Variants in ITGB8 observed in about 807,000 individuals in gnomAD.
ITGB8 encodes integrin subunit beta 8, also known as integrin beta-8.
ITGB8 carries 30 observed loss-of-function variants against 89.5 expected under a neutral mutation model. That is an observed-to-expected ratio of 0.34 (90% CI 0.25 to 0.45). The LOEUF (loss-of-function observed/expected upper bound fraction) is 0.45, where lower values mean the gene tolerates loss of function less well. ITGB8 is among the 20% of genes least tolerant of loss of function. ITGB8 has a pLI of 1.00. For synonymous variants in ITGB8, 335 were observed against 320.4 expected (o/e 1.05, Z -0.49); for missense variants, 836 against 933.3 (o/e 0.90, Z 1.36).
chr7:20,351,974 T>C (rs979862599), intron 1 of ITGB8, among the ~76,000 whole-genome samples: 15 of 152,274 alleles, frequency 9.9e-5, no homozygotes, highest in African/African-American at 3.1e-4. Context: ...GTGTGTTAGA[T>C]TGAAAACATT....
chr7:20,337,016 A>C (rs206204), intron 1 of ITGB8, among the ~76,000 whole-genome samples: 141,925 of 152,270 alleles, frequency 0.93, 66,194 homozygotes, highest in East Asian at 0.99. Flanking sequence ...GTTTTCCCAG[A>C]CCATACCAGA....
chr7:20,404,234 G>T (rs1016110803), intron 10 of ITGB8, among the ~76,000 whole-genome samples: 2 of 152,234 alleles, frequency 1.3e-5, no homozygotes, highest in Non-Finnish European at 2.9e-5. Flanking sequence ...AATAGGTGAT[G>T]GAAGCCATAT....
chr7:20,339,470 T>C (rs75875047), intron 1 of ITGB8, among the ~76,000 whole-genome samples: 1 of 152,304 alleles, frequency 6.6e-6, no homozygotes, highest in Non-Finnish European at 1.5e-5. Flanking sequence ...TCCATTGGGA[T>C]TTTATAATTT....
At chr7:20,364,691 G>C (rs1227775583) in intron 2 of ITGB8, 3 of 152,196 alleles carry the variant, frequency 2.0e-5, no homozygotes, top group Non-Finnish European at 4.4e-5. Context: ...GTGAAGCCAG[G>C]CATGTCATAG....
chr7:20,400,565 G>T (rs1187562936), intron 9 of ITGB8, among the ~76,000 whole-genome samples: 14 of 151,998 alleles, frequency 9.2e-5, no homozygotes, highest in Admixed American at 9.2e-4. Flanking sequence ...AATTGTAATG[G>T]ATCTCAATCC....
chr7:20,401,834 A>T lies in ITGB8; in HGVS notation c.1395A>T (p.Arg465Ser). The change falls in exon 10 of 14, where the codon AGA (arginine) becomes AGT (serine). Residue 465 changes from arginine (R) to serine (S), a missense_variant. This residue lies in a region of ITGB8 where 422 missense variants were observed against 416.9 expected (regional missense o/e 1.01). Transcript: ENST00000222573. ...FNETAKIHIH[R>S]NCSCQCEDNR... The stretch of plus-strand genomic sequence containing the variant: ...AAACCGCTAAAATTCATATACACAG[A>T]AACTGCAGCTGTCAGTGTGAGGACA... The T allele has an allele frequency of 6.2e-7, 1 of 1,613,988 alleles. No homozygotes were observed. The highest frequency in any genetic ancestry group is 8.5e-7 in the Non-Finnish European group (1 of 1,179,986).
intron 1 of ITGB8, among the ~76,000 whole-genome samples, chr7:20,339,517 G>T (rs1324261365): frequency 6.6e-6 from 1 of 152,062 alleles, no homozygotes; most frequent in Non-Finnish European, 1.5e-5. Flanking sequence ...AAAGTGCTAA[G>T]ATCAATTCTT....
At chr7:20,382,081 T>C (rs781515860) in intron 6 of ITGB8, 196 bp downstream of exon 6, 30 of 447,078 alleles carry the variant, frequency 6.7e-5, no homozygotes, top group Non-Finnish European at 8.2e-5. Context: ...ATAAAACAGT[T>C]TGACAGTTTC....
intron 6 of ITGB8, among the ~76,000 whole-genome samples, chr7:20,386,053 G>C (rs190624692): frequency 1.3e-5 from 2 of 152,106 alleles, no homozygotes; most frequent in African/African-American, 4.8e-5. Context: ...TGTCTCAGAT[G>C]CATACTAATA....
chr7:20,404,056 C>T (rs1203026946), intron 10 of ITGB8, among the ~76,000 whole-genome samples: 5 of 152,194 alleles, frequency 3.3e-5, no homozygotes, highest in Admixed American at 3.3e-4. Context: ...GGAGGATCTG[C>T]TCTGCTAACT....
Position 20,415,101 on chromosome 7 carries a change from C to G in ITGB8, c.*5104C>G, listed in dbSNP as rs371620605. The G allele has an allele frequency of 6.6e-6, 1 of 152,354 alleles. No homozygotes were observed. Among genetic ancestry groups the G allele is most frequent in the Non-Finnish European group, 1.5e-5 (1 of 67,938 alleles). 9.4% of individuals were successfully genotyped at this position (152,354 alleles called of 1,614,324 possible). On this transcript the variant is annotated 3_prime_UTR_variant, in exon 14 of 14. Transcript: ENST00000222573. ...ATGTGAAATTTTGATAAGAAGTCTA[C>G]GCAATGACAAGTATGGTACATAAAT...
At chr7:20,397,474 C>T (rs1787134192) in intron 8 of ITGB8, among the ~76,000 whole-genome samples, 1 of 152,182 alleles carries the variant, frequency 6.6e-6, no homozygotes, top group Non-Finnish European at 1.5e-5. Flanking sequence ...GAGCCACCTG[C>T]CTCAGCCTCC....
rs368039916 is a variant in ITGB8 at position 20,381,914 on chromosome 7, A to G, written c.960+29A>G. On this transcript the variant is annotated intron_variant, in intron 6 of 13. Coordinates refer to ENST00000222573, the MANE Select transcript of ITGB8 (RefSeq NM_002214.3). ...ATGCAGCAGTAACCGCTTAGTAGAT[A>G]TGACTCTTTTGGTTAAAGTACAATT... 20 of 1,571,042 alleles carry G rather than the reference A, an allele frequency of 1.3e-5. No homozygotes were observed. In the East Asian group the frequency reaches 4.3e-4, roughly 34 times the overall value.
intron 3 of ITGB8, among the ~76,000 whole-genome samples, chr7:20,376,552 CT>C (rs1253228647): frequency 4.6e-5 from 7 of 152,142 alleles, no homozygotes; most frequent in Admixed American, 2.6e-4. Context: ...CCCCAAGAGT[CT>C]TCTCCTTTAT....
rs540502298 is a variant in ITGB8 at position 20,375,664 on chromosome 7, A to G, written c.389-3387A>G. 1.4e-3 allele frequency among the ~76,000 whole-genome samples: 214 copies of G among 152,336 alleles called. 1 individual carries two copies. The highest frequency in any genetic ancestry group is 4.9e-3 in the African/African-American group (203 of 41,590). On this transcript the variant is annotated intron_variant, in intron 3 of 13. Transcript: ENST00000222573. ...ATCTTCAACACCCAAACCCCCTAAA[A>G]TGACAAGAACAGCTATAATTAATTT...
intron 1 of ITGB8, among the ~76,000 whole-genome samples, chr7:20,340,389 AG>A (rs1784718194): frequency 6.6e-6 from 1 of 152,220 alleles, no homozygotes. Flanking sequence ...AGTGGAGAGA[AG>A]GGCTGGTGAT....
chr7:20,374,585 G>C (rs1786060486), intron 3 of ITGB8, among the ~76,000 whole-genome samples: 1 of 152,098 alleles, frequency 6.6e-6, no homozygotes, highest in Middle Eastern at 3.4e-3. Flanking sequence ...TGGAAACACA[G>C]GGGCGGGGCC....
chr7:20,346,801 G>A (rs1454612454), intron 1 of ITGB8: 1 of 985,274 alleles, frequency 1.0e-6, no homozygotes, highest in Non-Finnish European at 1.2e-6. Context: ...GAGGAGGCAT[G>A]TACATTGACC....
intron 1 of ITGB8, among the ~76,000 whole-genome samples, chr7:20,354,162 C>T (rs574574334): frequency 6.6e-6 from 1 of 152,234 alleles, no homozygotes; most frequent in Admixed American, 6.5e-5. Context: ...ATTAATTACA[C>T]ATTTACTGAG....
Sources: allele counts gnomAD v4.1 joint callset (sites outside exome capture counted in the v4.1 genomes callset), GRCh38; gene constraint gnomAD v4.1.1; regional missense constraint gnomAD v4.1.1; transcripts MANE v1.5; gene names NCBI Gene and HGNC (gene_info 2026-07-23, HGNC 2026-07-21).